Variants in BABAM1 observed in about 807,000 individuals in gnomAD.
BABAM1 encodes BRISC and BRCA1-A complex member 1.
A neutral mutation model predicts 34.4 loss-of-function variants in BABAM1; 14 were observed. The ratio of observed to expected loss-of-function variants is 0.41; its 90% CI spans 0.27 to 0.64. The LOEUF (loss-of-function observed/expected upper bound fraction) is 0.64. Among genes scored for constraint, BABAM1 ranks in the 30% least tolerant of loss-of-function variants. BABAM1 has a pLI of 0.34. For synonymous variants in BABAM1, 169 were observed against 165.8 expected (o/e 1.02, Z -0.15); for missense variants, 393 against 434.0 (o/e 0.91, Z 0.84).
chr19:17,270,542 T>C (rs1362000729), intron 2 of BABAM1, among the ~76,000 whole-genome samples: 3 of 151,068 alleles, frequency 2.0e-5, no homozygotes, highest in African/African-American at 7.3e-5. Flanking sequence ...TTTTTTTTTT[T>C]TTGAGACGGA....
intron 3 of BABAM1, among the ~76,000 whole-genome samples, chr19:17,272,506 T>C (rs895862148): frequency 2.6e-4 from 40 of 151,530 alleles, no homozygotes; most frequent in East Asian, 1.6e-3. Flanking sequence ...CCCGGGTTCA[T>C]GCCATTCTCC....
intron 6 of BABAM1, 66 bp downstream of exon 6, chr19:17,275,891 C>G: frequency 6.4e-7 from 1 of 1,550,608 alleles, no homozygotes; most frequent in South Asian, 1.1e-5. Context: ...GGAAAAAGCT[C>G]CAAACGGCAC....
Position 17,278,988 on chromosome 19 carries a change from T to C in BABAM1, c.930T>C (p.His310=), listed in dbSNP as rs1442562711. Residue 310 remains histidine (H), a synonymous_variant, in exon 9 of 9, where the codon CAT becomes CAC. Transcript: ENST00000598188. Reference sequence around the variant, plus strand: ...CCCTGCAGCGGCCTTGCCAGAGCCATGCTTCCTACAGCCTGCTGGAGGAGG... The same window carrying C: ...CCCTGCAGCGGCCTTGCCAGAGCCACGCTTCCTACAGCCTGCTGGAGGAGG... ...AHPLQRPCQS[H]ASYSLLEEED... 3 of 1,612,648 alleles carry C rather than the reference T, an allele frequency of 1.9e-6. No homozygotes were observed. Among genetic ancestry groups the C allele is most frequent in the African/African-American group, 2.7e-5 (2 of 74,944 alleles).
rs780981242 is a variant in BABAM1, at chr19:17,275,758, C to T, written c.545-43C>T. 6 of 1,613,252 alleles carry T rather than the reference C, an allele frequency of 3.7e-6. No homozygotes were observed. In the South Asian group the frequency reaches 6.6e-5, roughly 18 times the overall value. ...GATCGGGGAAGCCACCTGTTTCCCG[C>T]TCACTCGTGCTCTACTAGCCTTCTC... On this transcript the variant is annotated intron_variant, in intron 5 of 8. Coordinates refer to ENST00000598188, the MANE Select transcript of BABAM1 (RefSeq NM_014173.4).
In BABAM1 at chr19:17,274,413, C is replaced by T. The variant is rs2073884012; in HGVS notation, c.544+228C>T. ...TGTAACAATACAGAAGCAAAAGTAC[C>T]TGATTTGGTCCGGGCATGGTGGTCC... On this transcript the variant is annotated intron_variant, in intron 5 of 8. Transcript: ENST00000598188. 4 of 572,870 alleles carry T rather than the reference C, an allele frequency of 7.0e-6. No individual in the cohort carries two copies. The South Asian group carries it at 8.0e-5, about 12-fold the overall frequency. 35.5% of individuals were successfully genotyped at this position (572,870 alleles called of 1,614,324 possible).
Position 17,271,711 on chromosome 19 carries a change from C to T in BABAM1, c.344+56C>T, listed in dbSNP as rs903572125. On this transcript the variant is annotated intron_variant, in intron 3 of 8. Transcript: ENST00000598188. The stretch of plus-strand genomic sequence containing the variant: ...CAGCCATGGCAGGGAGGGTCCAGCC[C>T]AAAAGATACGGGGCTCTCACTCTGA... The T allele has an allele frequency of 7.0e-6, 11 of 1,562,852 alleles. No individual in the cohort carries two copies. In the South Asian group the frequency reaches 1.2e-4, roughly 18 times the overall value.
At chr19:17,270,398 C>G (rs2073826124) in intron 2 of BABAM1, among the ~76,000 whole-genome samples, 1 of 152,088 alleles carries the variant, frequency 6.6e-6, no homozygotes, top group African/African-American at 2.4e-5. Flanking sequence ...GCCTTTCTCA[C>G]TGTGTCTCTG....
chr19:17,271,566 G>C, intron 2 of BABAM1, 31 bp from the exon 3 acceptor site: 2 of 1,611,498 alleles, frequency 1.2e-6, no homozygotes, highest in Non-Finnish European at 1.7e-6. Context: ...TAAGGTCAGA[G>C]GACGCTCACC....
intron 2 of BABAM1, 56 bp downstream of exon 2, chr19:17,269,147 C>T: frequency 1.3e-6 from 2 of 1,486,332 alleles, no homozygotes; most frequent in Non-Finnish European, 1.8e-6. Flanking sequence ...AGCATCTTGT[C>T]TTTTGGGATT....
In BABAM1 at chr19:17,268,997, A is replaced by T. The variant is rs781566782; in HGVS notation, c.191A>T (p.Asn64Ile). 6.3e-7 allele frequency: 1 copy of T among 1,584,858 alleles called. No individual in the cohort carries two copies. Among genetic ancestry groups the T allele is most frequent in the Non-Finnish European group, 8.6e-7 (1 of 1,166,698 alleles). ...EAASADDGSL[N>I]TSGAGPKSWQ... Reference sequence around the variant, plus strand: ...GCCAGTGCTGATGATGGGAGCCTCAACACTTCAGGAGCCGGCCCTAAGTCC... The same window carrying T: ...GCCAGTGCTGATGATGGGAGCCTCATCACTTCAGGAGCCGGCCCTAAGTCC... Residue 64 changes from asparagine to isoleucine, a missense_variant, in exon 2 of 9, where the codon AAC (asparagine) becomes ATC (isoleucine). Transcript: ENST00000598188.
In BABAM1 at chr19:17,270,633, C is replaced by A. The variant is rs534667504; in HGVS notation, c.286-964C>A. On this transcript the variant is annotated intron_variant, in intron 2 of 8. Coordinates refer to ENST00000598188, the MANE Select transcript of BABAM1 (RefSeq NM_014173.4). ...CTCCGGCTCCCTGGTTCAAATGATT[C>A]TCCTGCCTCAGCCTCCCAAGTAGCT... Among the ~76,000 whole-genome samples, 5 of 147,586 alleles carry A rather than the reference C, an allele frequency of 3.4e-5. No homozygotes were observed. In the East Asian group the frequency reaches 8.1e-4, roughly 24 times the overall value.
rs558353523 is a variant in BABAM1, at chr19:17,270,153, G to A, written c.285+1062G>A. Among the ~76,000 whole-genome samples, 5 of 151,792 alleles carry A rather than the reference G, an allele frequency of 3.3e-5. No individual in the cohort carries two copies. The East Asian group carries it at 9.8e-4, about 30-fold the overall frequency. On this transcript the variant is annotated intron_variant, in intron 2 of 8. Coordinates refer to ENST00000598188, the MANE Select transcript of BABAM1 (RefSeq NM_014173.4). ...TCACCGTGTTAGCCAGGATGGTCTC[G>A]ATCTCTTGACCTCGTGATCCACCTG...
intron 3 of BABAM1, among the ~76,000 whole-genome samples, chr19:17,272,498 C>T (rs1001316027): frequency 7.2e-5 from 11 of 151,782 alleles, no homozygotes; most frequent in East Asian, 2.0e-4. Flanking sequence ...CTCCGCCTCC[C>T]GGGTTCATGC....
At chr19:17,278,382 C>A (rs1405929867) in intron 8 of BABAM1, among the ~76,000 whole-genome samples, 1 of 146,868 alleles carries the variant, frequency 6.8e-6, no homozygotes, top group Non-Finnish European at 1.5e-5. Flanking sequence ...GATCTCGGCT[C>A]ACTGCCAGCT....
intron 6 of BABAM1, 185 bp from the exon 7 acceptor site, chr19:17,276,310 G>C: frequency 2.4e-6 from 2 of 819,012 alleles, no homozygotes; most frequent in Non-Finnish European, 3.8e-6. Context: ...ACTTAGAGGG[G>C]TGGGGCTGGG....
At chr19:17,274,757 G>A (rs2073888756) in intron 5 of BABAM1, among the ~76,000 whole-genome samples, 1 of 152,080 alleles carries the variant, frequency 6.6e-6, no homozygotes, top group South Asian at 2.1e-4. Context: ...TGGTAATTTG[G>A]ACATAAAAGG....
intron 3 of BABAM1, among the ~76,000 whole-genome samples, chr19:17,272,786 A>G (rs573183423): frequency 1.3e-3 from 196 of 151,956 alleles, no homozygotes; most frequent in African/African-American, 4.5e-3. Context: ...TGGGAGGCCA[A>G]GGTGGGCGGA....
intron 8 of BABAM1, among the ~76,000 whole-genome samples, chr19:17,278,288 G>GT (rs2073934598): frequency 6.6e-6 from 1 of 151,900 alleles, no homozygotes; most frequent in Non-Finnish European, 1.5e-5. Context: ...GTCTGTATCT[G>GT]ACTGTGTGCC....
At chr19:17,278,157 C>T (rs551164910) in intron 8 of BABAM1, among the ~76,000 whole-genome samples, 18 of 151,850 alleles carry the variant, frequency 1.2e-4, no homozygotes, top group Non-Finnish European at 1.8e-4. Context: ...CTGGGAACAA[C>T]AGCGAAACCC....
Sources: gnomAD v4.1 joint callset for allele counts (sites outside exome capture counted in the v4.1 genomes callset) on GRCh38, gnomAD v4.1.1 for gene constraint, MANE v1.5 for transcripts, NCBI Gene and HGNC (gene_info 2026-07-23, HGNC 2026-07-21) for gene names.